IPO8: variants seen among roughly 807,000 people sequenced by gnomAD.
The protein encoded by IPO8 is importin 8.
In IPO8, 65 loss-of-function variants were observed where a neutral mutation model predicts 141.2. That is an observed-to-expected ratio of 0.46 (90% CI 0.38 to 0.57). The LOEUF (loss-of-function observed/expected upper bound fraction) is 0.57, where lower values mean the gene tolerates loss of function less well. Ranked by LOEUF, IPO8 falls within the 20% of genes least tolerant of loss-of-function variation. IPO8 has a pLI of 0.00. For synonymous variants in IPO8, 411 were observed against 420.3 expected, an observed-to-expected ratio of 0.98 and a Z score of 0.27; for missense variants, 980 against 1,246.8, an observed-to-expected ratio of 0.79 and a Z score of 3.22.
chr12:30,677,181 G>GTA, intron 5 of IPO8: 1 of 862,124 alleles, frequency 1.2e-6, no homozygotes. Context: ...TGGAAAAAAT[G>GTA]TATATAAAGT....
At chr12:30,686,243 GC>G (rs770076369) in intron 2 of IPO8, 3 of 152,114 alleles carry the variant, frequency 2.0e-5, no homozygotes, top group Non-Finnish European at 4.4e-5. Flanking sequence ...ACAGTGACTG[GC>G]AAAGAGTACA....
chr12:30,681,162 G>A (rs1406463434), intron 4 of IPO8, among the ~76,000 whole-genome samples: 1 of 152,032 alleles, frequency 6.6e-6, no homozygotes. Context: ...GAGAACTACA[G>A]GACTTCATAT....
intron 16 of IPO8, among the ~76,000 whole-genome samples, chr12:30,660,100 G>C (rs1248172433): frequency 6.6e-6 from 1 of 152,028 alleles, no homozygotes; most frequent in East Asian, 1.9e-4. Context: ...GTACACACCT[G>C]TAGTCCCAGC....
rs528719362 is a variant in IPO8, at chr12:30,637,246, C to G, written c.2490-59G>C. 37 of 1,262,564 alleles carry G rather than the reference C, an allele frequency of 2.9e-5. 1 individual carries two copies. The highest frequency in any genetic ancestry group is 1.7e-4 in the South Asian group (14 of 81,552). The allele number at this position is 1,262,564 out of a possible 1,614,324, so 78.2% of individuals were successfully genotyped here. A position where few individuals can be genotyped will look rare whatever the true frequency, so the allele number is the denominator to read the frequency against. Reference sequence around the variant, plus strand: ...TGAGAAGTGGAATAAAGAACAAATTCTGGAGAAACTACAAAAAGAAATGTC... The same window carrying G: ...TGAGAAGTGGAATAAAGAACAAATTGTGGAGAAACTACAAAAAGAAATGTC... On this transcript the variant is annotated intron_variant, in intron 21 of 24. Transcript: ENST00000256079.
At position 30,680,570 on chromosome 12, in the gene IPO8, T is replaced by G. The variant is rs141447502; in HGVS notation, c.551A>C (p.Gln184Pro). 53 of 1,612,600 alleles carry G rather than the reference T, an allele frequency of 3.3e-5. No individual in the cohort carries two copies. Among genetic ancestry groups the G allele is most frequent in the Non-Finnish European group, 4.3e-5 (51 of 1,179,044 alleles). The change falls in exon 5 of 25, where the codon CAA becomes CCA. Residue 184 changes from glutamine (Q) to proline (P), a missense_variant. By Grantham distance (76) the Gln-to-Pro change is moderately conservative. Around this residue, in one of 3 missense-constraint regions of IPO8, gnomAD observed 924 missense variants for 1,153.9 expected, o/e 0.80. Transcript: ENST00000256079. Reference sequence around the variant, plus strand: ...ATCAGGAAGGAGCTGAACAATTTGTTGCTGAATACGAGGCAGGAATATCTG... The same window carrying G: ...ATCAGGAAGGAGCTGAACAATTTGTGGCTGAATACGAGGCAGGAATATCTG... ...AMQIFLPRIQQQIVQLLPDSS... is the reference protein window; with the variant it reads ...AMQIFLPRIQPQIVQLLPDSS...
intron 15 of IPO8, 67 bp from the exon 16 acceptor site, chr12:30,661,333 A>T: frequency 7.0e-7 from 1 of 1,418,446 alleles, no homozygotes; most frequent in Non-Finnish European, 9.3e-7. Context: ...TACAAAAGTT[A>T]GCAAAATGGC....
Position 30,674,088 on chromosome 12 carries a change from G to A in IPO8, c.825-14C>T. 5.4e-6 allele frequency: 8 copies of A among 1,475,426 alleles called. No homozygotes were observed. The highest frequency in any genetic ancestry group is 5.6e-6 in the Non-Finnish European group (6 of 1,062,548). The allele number at this position is 1,475,426 out of a possible 1,614,324, so 91.4% of individuals were successfully genotyped here. ...GGGCTTCCATATCTTAAAATACAAA[G>A]AGAAAATGTACAAATACCGTGAATT... On this transcript the variant is annotated splice_polypyrimidine_tract_variant and intron_variant, in intron 7 of 24. Coordinates refer to ENST00000256079, the MANE Select transcript of IPO8 (RefSeq NM_006390.4).
At chr12:30,647,296 A>C (rs1459434404) in intron 20 of IPO8, among the ~76,000 whole-genome samples, 1 of 152,194 alleles carries the variant, frequency 6.6e-6, no homozygotes, top group Non-Finnish European at 1.5e-5. Context: ...CATTATGTAC[A>C]AAAATTAACT....
rs1281251579 is a variant in IPO8, at chr12:30,690,511, G to A, written c.151C>T (p.Pro51Ser). The A allele has an allele frequency of 6.3e-7, 1 of 1,596,374 alleles. No individual in the cohort carries two copies. Among genetic ancestry groups the A allele is most frequent in the Non-Finnish European group, 8.5e-7 (1 of 1,169,892 alleles). Residue 51 changes from proline to serine, a missense_variant, in exon 2 of 25, where the codon CCA becomes TCA. By Grantham distance (74) the Pro-to-Ser change is moderately conservative (BLOSUM62 -1). Around this residue, in one of 3 missense-constraint regions of IPO8, gnomAD observed 16 missense variants for 46.6 expected, o/e 0.34. Transcript: ENST00000256079. ...ACCAACTCACCTGCCTGTCGTACTG[G>A]GAATTCCACATGGTCAGAGACTATA... ...RIIVSDHVEF[P>S]VRQAAAIYLK...
intron 4 of IPO8, among the ~76,000 whole-genome samples, chr12:30,681,413 GCAA>G (rs1445391661): frequency 6.6e-6 from 1 of 152,174 alleles, no homozygotes. Context: ...ATGGTACTGT[GCAA>G]CTAACAAGTT....
chr12:30,634,057 G>C (rs923739034), intron 23 of IPO8, 26 bp downstream of exon 23: 4 of 1,572,122 alleles, frequency 2.5e-6, no homozygotes, highest in Non-Finnish European at 3.5e-6. Flanking sequence ...AAAAATATCA[G>C]AAGATGTGGG....
At chr12:30,676,064 C>T (rs757052829) in intron 6 of IPO8, among the ~76,000 whole-genome samples, 1 of 151,990 alleles carries the variant, frequency 6.6e-6, no homozygotes, top group Admixed American at 6.6e-5. Context: ...GTAGCTGGCA[C>T]ATGCTACCAC....
chr12:30,666,258 T>G lies in IPO8; in HGVS notation c.1145-7A>C, dbSNP rs975126167. ...GCATAATCTTCAAAAATATCTAAGA[T>G]TTTAAAAGGTTAAAACCATGTTAGT... is the stretch of plus-strand genomic sequence containing the variant. On this transcript the variant is annotated splice_region_variant and splice_polypyrimidine_tract_variant and intron_variant, in intron 10 of 24. Transcript: ENST00000256079. 1.3e-6 allele frequency: 2 copies of G among 1,558,766 alleles called. No homozygotes were observed. The highest frequency in any genetic ancestry group is 1.8e-6 in the Non-Finnish European group (2 of 1,139,800).
intron 8 of IPO8, among the ~76,000 whole-genome samples, chr12:30,672,370 T>C (rs2053063702): frequency 6.6e-6 from 1 of 152,180 alleles, no homozygotes; most frequent in African/African-American, 2.4e-5. Context: ...AAATGGATGA[T>C]ACTGAACATG....
chr12:30,686,219 C>CAA (rs1289776967), intron 2 of IPO8: 1 of 152,036 alleles, frequency 6.6e-6, no homozygotes, highest in East Asian at 1.9e-4. Context: ...CGGGTATAGT[C>CAA]ATTATATTAT....
At chr12:30,652,388 T>C (rs184012654) in intron 18 of IPO8, 99 bp from the exon 19 acceptor site, 11 of 706,338 alleles carry the variant, frequency 1.6e-5, no homozygotes, top group Middle Eastern at 2.4e-4. Flanking sequence ...CACATTAGTA[T>C]CTTCCCATGC....
intron 21 of IPO8, among the ~76,000 whole-genome samples, chr12:30,638,112 G>A (rs1375633095): frequency 6.6e-6 from 1 of 152,116 alleles, no homozygotes; most frequent in Non-Finnish European, 1.5e-5. Context: ...GGATTATCAA[G>A]CAGAGCTCGA....
In IPO8 at chr12:30,695,788, C is replaced by T. The variant is rs542060385; in HGVS notation, c.-141G>A. 788 of 681,520 alleles carry T rather than the reference C, an allele frequency of 1.2e-3. 3 individuals are homozygous for T. In the African/African-American group the frequency reaches 0.013, roughly 11 times the overall value. The allele number at this position is 681,520 out of a possible 1,614,324, so 42.2% of individuals were successfully genotyped here. On this transcript the variant is annotated 5_prime_UTR_variant, in exon 1 of 25. Coordinates refer to ENST00000256079, the MANE Select transcript of IPO8 (RefSeq NM_006390.4). The surrounding 1 kb of genome is among the most constrained non-coding windows in gnomAD (Gnocchi z 4.2). ...CCCCCGCCACCGTCGCCACCTGCGG[C>T]CACTTGCTGCGCCACTCTGACTCCG...
In IPO8 at chr12:30,639,557, T is replaced by C; in HGVS notation, c.2447A>G (p.Gln816Arg). ...LPHNPGPITV[Q>R]FINQWMNDTD... Reference sequence around the variant, plus strand: ...ATCATTCATCCATTGATTTATAAACTGTACAGTGATAGGTCCAGGGTTGTG... The same window carrying C: ...ATCATTCATCCATTGATTTATAAACCGTACAGTGATAGGTCCAGGGTTGTG... Residue 816 changes from glutamine to arginine, a missense_variant, in exon 21 of 25, where the codon CAG becomes CGG. Coordinates refer to ENST00000256079, the MANE Select transcript of IPO8 (RefSeq NM_006390.4). 1 of 1,613,916 alleles carries C rather than the reference T, an allele frequency of 6.2e-7. No homozygotes were observed. Among genetic ancestry groups the C allele is most frequent in the South Asian group, 1.1e-5 (1 of 91,080 alleles).
Sources: allele counts gnomAD v4.1 joint callset (sites outside exome capture counted in the v4.1 genomes callset), GRCh38; gene constraint gnomAD v4.1.1; regional missense constraint gnomAD v4.1.1; non-coding constraint Gnocchi (gnomAD v3.1); transcripts MANE v1.5; gene names NCBI Gene and HGNC (gene_info 2026-07-23, HGNC 2026-07-21).